The following ZNF585B variants were observed in gnomAD, a reference collection of about 807,000 sequenced individuals.
ZNF585B encodes the protein zinc finger protein 585B, also known as zinc finger protein 41-like protein.
A neutral mutation model predicts 14.0 loss-of-function variants in ZNF585B; 7 were observed. The observed-to-expected ratio is 0.50, with a 90% confidence interval of 0.28 to 0.94. The LOEUF (loss-of-function observed/expected upper bound fraction) is 0.94. ZNF585B is among the 40% of genes least tolerant of loss of function. The pLI, the probability that ZNF585B is intolerant of heterozygous loss-of-function variation, is 0.09. For synonymous variants in ZNF585B, 290 were observed against 317.3 expected (o/e 0.91, Z 0.91); for missense variants, 750 against 924.4 (o/e 0.81, Z 2.45).
rs749127936 is a variant in ZNF585B, at chr19:37,189,631, C to T, written c.292+30G>A. 5 of 1,611,088 alleles carry T rather than the reference C, an allele frequency of 3.1e-6. No homozygotes were observed. The African/African-American group carries it at 6.7e-5, about 22-fold the overall frequency. On this transcript the variant is annotated intron_variant, in intron 4 of 4. Coordinates refer to ENST00000532828, the MANE Select transcript of ZNF585B (RefSeq NM_152279.4). Reference sequence around the variant, plus strand: ...AGATTTCCTCCTGTCTCCCATCTAACCTGAGTCACATTCACCTCACTTCAC... The same window carrying T: ...AGATTTCCTCCTGTCTCCCATCTAATCTGAGTCACATTCACCTCACTTCAC...
intron 2 of ZNF585B, chr19:37,199,029 T>C (rs1316010322): frequency 7.8e-6 from 12 of 1,529,264 alleles, no homozygotes; most frequent in Non-Finnish European, 1.1e-5. Flanking sequence ...CAGAACATCA[T>C]TTCTTTGAAA....
At chr19:37,196,468 T>G (rs192633526) in intron 2 of ZNF585B, among the ~76,000 whole-genome samples, 2 of 152,334 alleles carry the variant, frequency 1.3e-5, no homozygotes, top group African/African-American at 4.8e-5. Context: ...GAATGTGAAT[T>G]ACAGTTCACC....
Position 37,186,323 on chromosome 19 carries a change from G to A in ZNF585B, c.1214C>T (p.Thr405Ile). ...SALTVHQRIH[T>I]GEKSYICMKC... The stretch of plus-strand genomic sequence containing the variant: ...CATGCATATATACGATTTTTCTCCT[G>A]TATGAATTCTCTGATGCACTGTGAG... Residue 405 changes from threonine (T) to isoleucine (I), a missense_variant, in exon 5 of 5, where the codon ACA becomes ATA. Thr to Ile is a moderately conservative substitution (Grantham distance 89, BLOSUM62 -1). Coordinates refer to ENST00000532828, the MANE Select transcript of ZNF585B (RefSeq NM_152279.4). 6.2e-7 allele frequency: 1 copy of A among 1,613,974 alleles called. No homozygotes were observed. The highest frequency in any genetic ancestry group is 1.1e-5 in the South Asian group (1 of 91,066).
rs1450965028 is a variant in ZNF585B, at chr19:37,187,380, C to G, written c.293-136G>C. The G allele has an allele frequency of 5.9e-6, 4 of 681,350 alleles. No homozygotes were observed. In the African/African-American group the frequency reaches 7.3e-5, roughly 12 times the overall value. 42.2% of individuals were successfully genotyped at this position (681,350 alleles called of 1,614,324 possible). On this transcript the variant is annotated intron_variant, in intron 4 of 4. Transcript: ENST00000532828. Reference sequence around the variant, plus strand: ...TGCTTCAAGCCATTTCCAAATAAGTCACACTGATAGGGTTTTTAGGGGGAT... The same window carrying G: ...TGCTTCAAGCCATTTCCAAATAAGTGACACTGATAGGGTTTTTAGGGGGAT...
chr19:37,209,216 T>C (rs1477766396), intron 1 of ZNF585B, among the ~76,000 whole-genome samples: 4 of 152,098 alleles, frequency 2.6e-5, no homozygotes, highest in Non-Finnish European at 5.9e-5. Flanking sequence ...GTGATTCTTC[T>C]GCCTCAGCCT....
rs775075460 is a variant in ZNF585B at position 37,186,544 on chromosome 19, A to G, written c.993T>C (p.Tyr331=). The part of the protein sequence containing the change: ...TRVKPYICTE[Y]GKVFSNNSNL... ...TGGAATTATTGCTGAAGACCTTCCC[A>G]TATTCGGTACATATATAGGGCTTCA... Residue 331 remains tyrosine (Y), a synonymous_variant, in exon 5 of 5, where the codon TAT becomes TAC. Transcript: ENST00000532828. The G allele has an allele frequency of 1.4e-5, 22 of 1,614,106 alleles. No individual in the cohort carries two copies. The highest frequency in any genetic ancestry group is 4.4e-5 in the South Asian group (4 of 91,088).
intron 2 of ZNF585B, among the ~76,000 whole-genome samples, chr19:37,202,443 A>T (rs1454896405): frequency 1.3e-5 from 2 of 152,208 alleles, no homozygotes; most frequent in Admixed American, 1.3e-4. Context: ...TTCTGATATT[A>T]TCTGTTACTC....
rs764095245 is a variant in ZNF585B at position 37,185,649 on chromosome 19, C to T, written c.1888G>A (p.Gly630Arg). The change falls in exon 5 of 5, where the codon GGA becomes AGA. Residue 630 changes from glycine to arginine, a missense_variant. Gly to Arg is a moderately radical substitution (Grantham distance 125, BLOSUM62 -2). This residue lies in a region of ZNF585B where 233 missense variants were observed against 354.1 expected (regional missense o/e 0.66). Coordinates refer to ENST00000532828, the MANE Select transcript of ZNF585B (RefSeq NM_152279.4). ...TCGGCACACACATAGGGTTTCTCTCCTGTGTGAACTGGCTGATGCACCAGG... is the reference window on the plus strand; with the variant it reads ...TCGGCACACACATAGGGTTTCTCTCTTGTGTGAACTGGCTGATGCACCAGG... ...QLLVHQPVHT[G>R]EKPYVCAECG... 1.9e-6 allele frequency: 3 copies of T among 1,613,682 alleles called. No homozygotes were observed. The highest frequency in any genetic ancestry group is 2.5e-6 in the Non-Finnish European group (3 of 1,179,882).
At chr19:37,204,239 T>C (rs539406805) in intron 2 of ZNF585B, among the ~76,000 whole-genome samples, 1 of 152,370 alleles carries the variant, frequency 6.6e-6, no homozygotes, top group South Asian at 2.1e-4. Context: ...TGTTCCTAAA[T>C]TGCAGCCCTA....
chr19:37,187,050 A>T lies in ZNF585B; in HGVS notation c.487T>A (p.Cys163Ser). Reference protein sequence around the residue: ...TGEKLYVCIECGRAFVQKPEF... With the variant: ...TGEKLYVCIESGRAFVQKPEF... ...GGCTTCTGTACAAAAGCCCTCCCAC[A>T]TTCAATACATACATAGAGTTTTTCT... The change falls in exon 5 of 5, where the codon TGT (cysteine) becomes AGT (serine). Residue 163 changes from cysteine to serine, a missense_variant. This residue lies in a region of ZNF585B where 517 missense variants were observed against 570.3 expected (regional missense o/e 0.91). Transcript: ENST00000532828. 2.5e-6 allele frequency: 4 copies of T among 1,613,342 alleles called. No individual in the cohort carries two copies. The South Asian group carries it at 4.4e-5, about 18-fold the overall frequency.
rs1212270047 is a variant in ZNF585B, at chr19:37,184,999, C to A, written c.*228G>T. 8 of 474,740 alleles carry A rather than the reference C, an allele frequency of 1.7e-5. No individual in the cohort carries two copies. Among genetic ancestry groups the A allele is most frequent in the Non-Finnish European group, 2.6e-5 (7 of 270,482 alleles). The allele number at this position is 474,740 out of a possible 1,614,324, so 29.4% of individuals were successfully genotyped here. On this transcript the variant is annotated 3_prime_UTR_variant, in exon 5 of 5. Transcript: ENST00000532828. ...TCCTATTCACCAAATTGACTCGGTT[C>A]CTTGTCAGTATGAATAATGACCCAA... is the stretch of plus-strand genomic sequence containing the variant.
rs755160020 is a variant in ZNF585B, at chr19:37,190,017, T to A, written c.199+7A>T. 1.2e-6 allele frequency: 2 copies of A among 1,613,904 alleles called. No homozygotes were observed. Among genetic ancestry groups the A allele is most frequent in the South Asian group, 2.2e-5 (2 of 91,042 alleles). ...CTCCTTTCAGATACCAAGGTGACTG[T>A]GCTTACCTACTGAGAGCAGGTGGCT... is the stretch of plus-strand genomic sequence containing the variant. On this transcript the variant is annotated splice_region_variant and intron_variant, in intron 3 of 4. Transcript: ENST00000532828.
At chr19:37,203,918 G>C (rs207477201) in intron 2 of ZNF585B, among the ~76,000 whole-genome samples, 4 of 152,282 alleles carry the variant, frequency 2.6e-5, no homozygotes, top group African/African-American at 9.6e-5. Flanking sequence ...ATGAGCCACC[G>C]CACCCAGCCT....
chr19:37,193,691 G>T (rs1275394938), intron 2 of ZNF585B, among the ~76,000 whole-genome samples: 17 of 151,842 alleles, frequency 1.1e-4, no homozygotes, highest in Admixed American at 1.1e-3. Flanking sequence ...GAGGTCGGAG[G>T]ATCGACTGAG....
At chr19:37,203,721 C>CG (rs1972558584) in intron 2 of ZNF585B, among the ~76,000 whole-genome samples, 1 of 152,006 alleles carries the variant, frequency 6.6e-6, no homozygotes, top group Non-Finnish European at 1.5e-5. Flanking sequence ...CTCCACCTCC[C>CG]GGGTTCAAGC....
chr19:37,209,348 C>T (rs1972621248), intron 1 of ZNF585B, among the ~76,000 whole-genome samples: 1 of 152,092 alleles, frequency 6.6e-6, no homozygotes, highest in Non-Finnish European at 1.5e-5. Flanking sequence ...GGTGATCTGC[C>T]CACCTTGGCC....
rs1972302232 is a variant in ZNF585B at position 37,184,442 on chromosome 19, AGGAAAGAAAGAAAGAAAGAAAGAAAG to A, written c.*759_*784del. 12 of 58,108 alleles carry A rather than the reference AGGAAAGAAAGAAAGAAAGAAAGAAAG, an allele frequency of 2.1e-4. No individual in the cohort carries two copies. The Admixed American group carries it at 2.2e-3, about 11-fold the overall frequency. 3.6% of individuals were successfully genotyped at this position (58,108 alleles called of 1,614,324 possible). A position where few individuals can be genotyped will look rare whatever the true frequency, so the allele number is the denominator to read the frequency against. ...AGAAAGAAAGAAAAAGAAAGAAAGA[AGGAAAGAAAGAAAGAAAGAAAGAAAG>A]AAAGAAAGAAAGAAAGAAAGAAAGA... is the stretch of plus-strand genomic sequence containing the variant. On this transcript the variant is annotated 3_prime_UTR_variant, in exon 5 of 5. Coordinates refer to ENST00000532828, the MANE Select transcript of ZNF585B (RefSeq NM_152279.4).
intron 2 of ZNF585B, among the ~76,000 whole-genome samples, chr19:37,191,327 G>A (rs781072984): frequency 1.5e-4 from 23 of 152,192 alleles, no homozygotes; most frequent in Non-Finnish European, 2.9e-4. Flanking sequence ...AAGCAAGAAT[G>A]TCAGAGGGGG....
chr19:37,199,351 A>G (rs1053408327), intron 2 of ZNF585B: 1 of 354,146 alleles, frequency 2.8e-6, no homozygotes, highest in Non-Finnish European at 5.6e-6. Flanking sequence ...ACATGGTGAA[A>G]CTGTCTCTAC....
Sources: gnomAD v4.1 joint callset for allele counts (sites outside exome capture counted in the v4.1 genomes callset) on GRCh38, gnomAD v4.1.1 for gene constraint, gnomAD v4.1.1 regional missense constraint, MANE v1.5 for transcripts, NCBI Gene and HGNC (gene_info 2026-07-23, HGNC 2026-07-21) for gene names.